The following ACBD6 variants were observed in gnomAD, a reference collection of about 807,000 sequenced individuals.
ACBD6 encodes the protein acyl-CoA-binding domain-containing protein 6.
Under a neutral mutation model 37.2 loss-of-function variants are expected in ACBD6, and 28 were observed. That is an observed-to-expected ratio of 0.75 (90% CI 0.56 to 1.03). The LOEUF is 1.03. ACBD6 is among the 50% of genes least tolerant of loss of function. The pLI is 0.00. For synonymous variants in ACBD6, 113 were observed against 126.8 expected (o/e 0.89, Z 0.73); for missense variants, 340 against 337.4 (o/e 1.01, Z -0.06).
downstream of ACBD6, among the ~76,000 whole-genome samples, chr1:180,286,654 C>T (rs960201780): frequency 6.6e-6 from 1 of 152,168 alleles, no homozygotes; most frequent in African/African-American, 2.4e-5. Context: ...GAAGAGAATG[C>T]TCTACTAGAA....
chr1:180,433,914 G>A (rs1648914539), intron 3 of ACBD6, among the ~76,000 whole-genome samples: 3 of 152,110 alleles, frequency 2.0e-5, no homozygotes, highest in South Asian at 4.1e-4. Flanking sequence ...TGGGTGCTGG[G>A]AGCCTGGGGA....
chr1:180,424,227 T>TA (rs952636322), intron 4 of ACBD6, among the ~76,000 whole-genome samples: 25 of 151,850 alleles, frequency 1.6e-4, no homozygotes, highest in Admixed American at 2.6e-4. Context: ...TCCTTATCTG[T>TA]AAAAAAAAGA....
At chr1:180,437,872 G>C (rs936232074) in intron 3 of ACBD6, among the ~76,000 whole-genome samples, 4 of 152,158 alleles carry the variant, frequency 2.6e-5, no homozygotes, top group Non-Finnish European at 5.9e-5. Flanking sequence ...GCAGGTATCT[G>C]GAGTAGATTG....
chr1:180,436,012 C>T (rs114425965), intron 3 of ACBD6: 111 of 790,864 alleles, frequency 1.4e-4, no homozygotes, highest in African/African-American at 8.2e-4. Flanking sequence ...TTTACTGTAT[C>T]GTTTAATGTT....
intron 3 of ACBD6, chr1:180,435,218 G>T: frequency 1.5e-6 from 1 of 681,430 alleles, no homozygotes; most frequent in Non-Finnish European, 2.8e-6. Context: ...GTACTCTGGT[G>T]CTGGGTTACG....
At chr1:180,291,964 A>AT (rs1034819499) in intron 7 of ACBD6, among the ~76,000 whole-genome samples, 16 of 152,178 alleles carry the variant, frequency 1.1e-4, no homozygotes, top group African/African-American at 3.6e-4. Context: ...TTATGTTGGC[A>AT]TTTTTGTCAA....
intron 6 of ACBD6, among the ~76,000 whole-genome samples, chr1:180,333,099 A>C (rs566585589): frequency 5.3e-5 from 8 of 152,212 alleles, no homozygotes; most frequent in Non-Finnish European, 7.3e-5. Context: ...ACCATATTAG[A>C]AATTAATGCC....
At chr1:180,437,380 T>C (rs938434006) in intron 3 of ACBD6, among the ~76,000 whole-genome samples, 2 of 152,162 alleles carry the variant, frequency 1.3e-5, no homozygotes, top group Admixed American at 1.3e-4. Flanking sequence ...TCTAGGCACC[T>C]AGTGTCAGAA....
At chr1:180,500,488 T>C (rs1651918682) in intron 1 of ACBD6, among the ~76,000 whole-genome samples, 1 of 146,732 alleles carries the variant, frequency 6.8e-6, no homozygotes, top group South Asian at 2.2e-4. Context: ...AGGTCAGGAG[T>C]TCAAGACCAG....
At position 180,288,416 on chromosome 1, in the gene ACBD6, CT is replaced by C. The variant is rs1188011782; in HGVS notation, c.795del (p.Gly266AlafsTer30). On this transcript the variant is annotated frameshift_variant, in exon 8 of 8. Transcript: ENST00000367595. LOFTEE classifies it high-confidence loss of function. Reference sequence around the variant, plus strand: ...AGCACCAAAGAAACTGTTTTGCAGCCTGTCACCTCCTCTGGCAGGCAGCCAT... The same window carrying C: ...AGCACCAAAGAAACTGTTTTGCAGCCGTCACCTCCTCTGGCAGGCAGCCAT... ...DQDGCLPEEV[T>X]GCKTVSLVLQ... 1 of 1,613,648 alleles carries C rather than the reference CT, an allele frequency of 6.2e-7. No homozygotes were observed. The highest frequency in any genetic ancestry group is 8.5e-7 in the Non-Finnish European group (1 of 1,180,010).
chr1:180,384,855 T>C (rs368546783), intron 6 of ACBD6, among the ~76,000 whole-genome samples: 220 of 152,246 alleles, frequency 1.4e-3, no homozygotes, highest in African/African-American at 5.0e-3. Flanking sequence ...TGCAGCAATG[T>C]GGATAGAACT....
intron 6 of ACBD6, among the ~76,000 whole-genome samples, chr1:180,346,680 A>G (rs1327091374): frequency 6.6e-6 from 1 of 152,112 alleles, no homozygotes; most frequent in Non-Finnish European, 1.5e-5. Context: ...ACCCATGGAG[A>G]CTGTGAGAAA....
intron 7 of ACBD6, among the ~76,000 whole-genome samples, chr1:180,289,468 G>C (rs1017768561): frequency 1.3e-5 from 2 of 152,200 alleles, no homozygotes; most frequent in East Asian, 1.9e-4. Flanking sequence ...ATAAGGACTG[G>C]AGCAGAGAAA....
intron 6 of ACBD6, among the ~76,000 whole-genome samples, chr1:180,376,291 A>G (rs1558272361): frequency 1.3e-5 from 2 of 152,200 alleles, no homozygotes; most frequent in Non-Finnish European, 2.9e-5. Flanking sequence ...AATACTACAT[A>G]TGCACCTACC....
At chr1:180,452,479 A>AAATAATAATAAT (rs545587170) in intron 3 of ACBD6, among the ~76,000 whole-genome samples, 1 of 151,206 alleles carries the variant, frequency 6.6e-6, no homozygotes, top group African/African-American at 2.4e-5. Context: ...TCAAAAAATT[A>AAATAATAATAAT]AATAATAATA....
rs534921175 is a variant in ACBD6, at chr1:180,324,462, T to C, written c.664-9740A>G. Among the ~76,000 whole-genome samples, 340 of 152,176 alleles carry C rather than the reference T, an allele frequency of 2.2e-3. 3 individuals are homozygous for C. The highest frequency in any genetic ancestry group is 3.9e-3 in the Non-Finnish European group (267 of 67,954). On this transcript the variant is annotated intron_variant, in intron 6 of 7. Transcript: ENST00000367595. ...TAAGCTGATGACAACTTAACACTGA[T>C]TGCATAAACAAATAGGCAAAAAAAA...
intron 4 of ACBD6, among the ~76,000 whole-genome samples, chr1:180,417,328 G>A (rs1044884856): frequency 6.6e-6 from 1 of 152,090 alleles, no homozygotes; most frequent in Admixed American, 6.6e-5. Flanking sequence ...GTAAAGGAGA[G>A]GCATTACACC....
intron 6 of ACBD6, among the ~76,000 whole-genome samples, chr1:180,392,566 TCAC>T: frequency 6.6e-6 from 1 of 152,226 alleles, no homozygotes; most frequent in Admixed American, 6.5e-5. Context: ...TCCTGCTTCT[TCAC>T]CAGTAAAATG....
At chr1:180,292,483 A>G (rs571923290) in intron 7 of ACBD6, among the ~76,000 whole-genome samples, 1 of 152,338 alleles carries the variant, frequency 6.6e-6, no homozygotes, top group African/African-American at 2.4e-5. Flanking sequence ...AAAACAATTA[A>G]GATTTGTATA....
Sources: gnomAD v4.1 joint callset for allele counts (sites outside exome capture counted in the v4.1 genomes callset) on GRCh38, gnomAD v4.1.1 for gene constraint, MANE v1.5 for transcripts, NCBI Gene and HGNC (gene_info 2026-07-23, HGNC 2026-07-21) for gene names.